The following GRIA1 variants were observed in gnomAD, a reference collection of about 807,000 sequenced individuals.
GRIA1 encodes the protein glutamate receptor 1.
A neutral mutation model predicts 99.2 loss-of-function variants in GRIA1; 31 were observed. That is an observed-to-expected ratio of 0.31 (90% CI 0.23 to 0.42). The LOEUF is 0.42. GRIA1 is among the 10% of genes least tolerant of loss of function. The pLI, the probability that GRIA1 is intolerant of heterozygous loss-of-function variation, is 1.00. For missense variants in GRIA1, 782 were observed against 1,157.5 expected, an observed-to-expected ratio of 0.68 and a Z score of 4.71; for synonymous variants, 438 against 432.4, an observed-to-expected ratio of 1.01 and a Z score of -0.16.
intron 2 of GRIA1, among the ~76,000 whole-genome samples, chr5:153,509,073 A>G (rs1399785993): frequency 6.6e-6 from 1 of 152,198 alleles, no homozygotes; most frequent in East Asian, 1.9e-4. Flanking sequence ...AGCTAAACCT[A>G]ATGCTCATGG....
chr5:153,689,511 T>G (rs1407192208), intron 8 of GRIA1, among the ~76,000 whole-genome samples: 1 of 152,232 alleles, frequency 6.6e-6, no homozygotes, highest in Non-Finnish European at 1.5e-5. Context: ...TAGCTTAAAA[T>G]ATAGCCAGAT....
intron 7 of GRIA1, among the ~76,000 whole-genome samples, chr5:153,677,995 A>G (rs1756712179): frequency 6.6e-6 from 1 of 152,210 alleles, no homozygotes; most frequent in Non-Finnish European, 1.5e-5. Flanking sequence ...TTCCGAAGGG[A>G]CAGGGAGAGG....
intron 2 of GRIA1, among the ~76,000 whole-genome samples, chr5:153,585,587 G>A (rs1763414829): frequency 6.6e-6 from 1 of 152,096 alleles, no homozygotes; most frequent in Non-Finnish European, 1.5e-5. Flanking sequence ...GGGATTACAG[G>A]TGTGAGCCAC....
chr5:153,715,673 C>T lies in GRIA1; in HGVS notation c.1823+9606C>T, dbSNP rs373107531. Among the ~76,000 whole-genome samples the T allele has an allele frequency of 1.5e-4, 23 of 152,296 alleles. No homozygotes were observed. The East Asian group carries it at 3.9e-3, about 26-fold the overall frequency. ...GTTATTGCTGCTGTTGCCATTGTTG[C>T]TGTCACCTACACCTCTCTGAGGGCA... is the stretch of plus-strand genomic sequence containing the variant. On this transcript the variant is annotated intron_variant, in intron 11 of 15. Transcript: ENST00000285900.
intron 2 of GRIA1, among the ~76,000 whole-genome samples, chr5:153,501,838 G>A (rs2113245622): frequency 6.6e-6 from 1 of 152,334 alleles, no homozygotes; most frequent in Non-Finnish European, 1.5e-5. Flanking sequence ...ATTGGAGGCT[G>A]ATCCAGTGCA....
intron 11 of GRIA1, among the ~76,000 whole-genome samples, chr5:153,758,124 A>C (rs115011277): frequency 6.6e-6 from 1 of 152,210 alleles, no homozygotes; most frequent in African/African-American, 2.4e-5. Context: ...TCACAAAGAA[A>C]AACAGCAAGA....
rs184182782 is a variant in GRIA1 at position 153,697,096 on chromosome 5, C to A, written c.1135-948C>A. Among the ~76,000 whole-genome samples the A allele has an allele frequency of 4.5e-3, 692 of 152,326 alleles. 21 individuals carry two copies. Among genetic ancestry groups the A allele is most frequent in the Admixed American group, 0.041 (624 of 15,304 alleles). ...TCTTCATATCTTGGCTCATATTCTC[C>A]CTAACCTGAAAGGTTTTGGTCCAGA... On this transcript the variant is annotated intron_variant, in intron 8 of 15. Transcript: ENST00000285900.
intron 2 of GRIA1, among the ~76,000 whole-genome samples, chr5:153,514,314 C>T (rs1756400531): frequency 6.6e-6 from 1 of 152,166 alleles, no homozygotes; most frequent in African/African-American, 2.4e-5. Context: ...AGTCGTTTTA[C>T]AATTTCAGGA....
chr5:153,558,835 T>C (rs566908933), intron 2 of GRIA1, among the ~76,000 whole-genome samples: 1 of 152,260 alleles, frequency 6.6e-6, no homozygotes, highest in Admixed American at 6.5e-5. Context: ...TACACAGCTT[T>C]TGTCGGATTC....
intron 3 of GRIA1, among the ~76,000 whole-genome samples, chr5:153,648,457 C>T (rs1203542062): frequency 6.6e-6 from 1 of 152,178 alleles, no homozygotes; most frequent in Non-Finnish European, 1.5e-5. Flanking sequence ...ACTCAGAGCT[C>T]AGAGCCCTGC....
chr5:153,594,486 A>AT (rs1764252766), intron 2 of GRIA1, among the ~76,000 whole-genome samples: 1 of 149,392 alleles, frequency 6.7e-6, no homozygotes, highest in Non-Finnish European at 1.5e-5. Context: ...TTGCTTTTTG[A>AT]TTTTTCCTTC....
At chr5:153,597,423 C>T (rs1022736194) in intron 2 of GRIA1, among the ~76,000 whole-genome samples, 1 of 152,194 alleles carries the variant, frequency 6.6e-6, no homozygotes, top group South Asian at 2.1e-4. Flanking sequence ...AACTCAGGTT[C>T]TATAGGCAGA....
chr5:153,764,263 T>G (rs1050038313), intron 11 of GRIA1, among the ~76,000 whole-genome samples, 171 bp from the exon 12 acceptor site: 65 of 152,238 alleles, frequency 4.3e-4, no homozygotes, highest in African/African-American at 1.5e-3. Context: ...AGGAACAAAA[T>G]ATGGAGTCTC....
rs372732732 is a variant in GRIA1 at position 153,608,787 on chromosome 5, G to C, written c.221-38141G>C. Among the ~76,000 whole-genome samples, 5 of 152,150 alleles carry C rather than the reference G, an allele frequency of 3.3e-5. No homozygotes were observed. The East Asian group carries it at 5.8e-4, about 18-fold the overall frequency. Reference sequence around the variant, plus strand: ...TTAATTTATGTTGTCTTATCTTCCTGTATAACAGTTTTTTTTTACTGCGTT... The same window carrying C: ...TTAATTTATGTTGTCTTATCTTCCTCTATAACAGTTTTTTTTTACTGCGTT... On this transcript the variant is annotated intron_variant, in intron 2 of 15. Coordinates refer to ENST00000285900, the MANE Select transcript of GRIA1 (RefSeq NM_000827.4).
At chr5:153,700,501 GT>G (rs1163844140) in intron 10 of GRIA1, among the ~76,000 whole-genome samples, 2 of 152,176 alleles carry the variant, frequency 1.3e-5, no homozygotes, top group African/African-American at 4.8e-5. Context: ...AAAACGCATG[GT>G]TTTTGTTGAG....
chr5:153,705,985 C>A lies in GRIA1; in HGVS notation c.1741C>A (p.Gln581Lys). ...EEGRDQTTSD[Q>K]SNEFGIFNSL... ...AGGACGGGACCAGACAACCAGTGAC[C>A]AGTCCAATGAGTTTGGGATATTCAA... The change falls in exon 11 of 16, where the codon CAG (glutamine) becomes AAG (lysine). Residue 581 changes from glutamine to lysine, a missense_variant. By Grantham distance (53) the Gln-to-Lys change is moderately conservative (BLOSUM62 1). This residue lies in a region of GRIA1 where 39 missense variants were observed against 43.5 expected (regional missense o/e 0.90). Coordinates refer to ENST00000285900, the MANE Select transcript of GRIA1 (RefSeq NM_000827.4). 2 of 1,613,862 alleles carry A rather than the reference C, an allele frequency of 1.2e-6. No individual in the cohort carries two copies. Among genetic ancestry groups the A allele is most frequent in the Non-Finnish European group, 8.5e-7 (1 of 1,179,836 alleles).
At chr5:153,609,091 C>G (rs948090038) in intron 2 of GRIA1, among the ~76,000 whole-genome samples, 2 of 152,136 alleles carry the variant, frequency 1.3e-5, no homozygotes, top group Non-Finnish European at 2.9e-5. Flanking sequence ...ATATTTTGGT[C>G]CTGGACTCCA....
intron 2 of GRIA1, among the ~76,000 whole-genome samples, chr5:153,524,198 T>C (rs1003520634): frequency 6.6e-6 from 1 of 152,062 alleles, no homozygotes; most frequent in Non-Finnish European, 1.5e-5. Flanking sequence ...GTGGTGGGGC[T>C]CACCTGTAGT....
intron 2 of GRIA1, among the ~76,000 whole-genome samples, chr5:153,527,732 G>C (rs564700): frequency 0.35 from 53,772 of 152,066 alleles, 9,902 homozygotes; most frequent in African/African-American, 0.46. Context: ...TTCACTTTCT[G>C]CATAAGCATC....
Sources: gnomAD v4.1 joint callset for allele counts (sites outside exome capture counted in the v4.1 genomes callset) on GRCh38, gnomAD v4.1.1 for gene constraint, gnomAD v4.1.1 regional missense constraint, MANE v1.5 for transcripts, NCBI Gene and HGNC (gene_info 2026-07-23, HGNC 2026-07-21) for gene names.